MYH1: variants seen among roughly 807,000 people sequenced by gnomAD.
MYH1 encodes the protein myosin-1.
Under a neutral mutation model 225.6 loss-of-function variants are expected in MYH1, and 214 were observed. The observed-to-expected ratio is 0.95, with a 90% CI of 0.85 to 1.06. The LOEUF (loss-of-function observed/expected upper bound fraction) is 1.06, where lower values mean the gene tolerates loss of function less well. Among genes scored for constraint, MYH1 ranks in the 50% least tolerant of loss-of-function variants. MYH1 has a pLI of 0.00. For missense variants in MYH1, 2,098 were observed against 2,344.2 expected (o/e 0.89, Z 2.17); for synonymous variants, 774 against 842.3 (o/e 0.92, Z 1.40).
Position 10,501,969 on chromosome 17 carries a change from A to G in MYH1, c.3112-58T>C, listed in dbSNP as rs2073062738. On this transcript the variant is annotated intron_variant, in intron 24 of 39. Transcript: ENST00000226207. ...AGAATGGTAGCACCTTTTGTCCCAG[A>G]TGAAATTTTTAAACATTATATCTAT... 6 of 1,513,556 alleles carry G rather than the reference A, an allele frequency of 4.0e-6. No homozygotes were observed. The South Asian group carries it at 6.4e-5, about 16-fold the overall frequency. 93.8% of individuals were successfully genotyped at this position (1,513,556 alleles called of 1,614,324 possible).
At chr17:10,493,191 T>G (rs2072952518) in intron 39 of MYH1, among the ~76,000 whole-genome samples, 1 of 152,200 alleles carries the variant, frequency 6.6e-6, no homozygotes. Flanking sequence ...TTAGAATCAT[T>G]AAATAGTATA....
At chr17:10,504,026 ATG>A (rs2073084006) in intron 22 of MYH1, among the ~76,000 whole-genome samples, 1 of 152,224 alleles carries the variant, frequency 6.6e-6, no homozygotes, top group Non-Finnish European at 1.5e-5. Context: ...TTTTCTAAAT[ATG>A]TGTCCCAAAC....
Position 10,516,516 on chromosome 17 carries a change from G to T in MYH1, c.127C>A (p.Pro43Thr). 4 of 1,614,084 alleles carry T rather than the reference G, an allele frequency of 2.5e-6. No homozygotes were observed. Among genetic ancestry groups the T allele is most frequent in the Non-Finnish European group, 3.4e-6 (4 of 1,180,038 alleles). The change falls in exon 3 of 40, where the codon CCT (proline) becomes ACT (threonine). Residue 43 changes from proline (P) to threonine (T), a missense_variant. Coordinates refer to ENST00000226207, the MANE Select transcript of MYH1 (RefSeq NM_005963.4). ...GTTGCTTTCACAAAGGACTCCTTAG[G>T]GTCCACCACAAAGACTGATGTCTTG... ...DAKTSVFVVD[P>T]KESFVKATVQ...
Position 10,501,659 on chromosome 17 carries a change from G to T in MYH1, c.3283C>A (p.Gln1095Lys), listed in dbSNP as rs770046917. Residue 1095 changes from glutamine to lysine, a missense_variant, in exon 26 of 40, where the codon CAA (glutamine) becomes AAA (lysine). Coordinates refer to ENST00000226207, the MANE Select transcript of MYH1 (RefSeq NM_005963.4). The stretch of plus-strand genomic sequence containing the variant: ...GCTTGTTCATCTTCAATCTTGCTTT[G>T]CAGACCGCTCATTTCAAACTCTTTC... ...KKKEFEMSGL[Q>K]SKIEDEQALG... 1 of 1,614,128 alleles carries T rather than the reference G, an allele frequency of 6.2e-7. No homozygotes were observed. Among genetic ancestry groups the T allele is most frequent in the Admixed American group, 1.7e-5 (1 of 60,010 alleles).
At chr17:10,513,079 A>G in intron 9 of MYH1, 114 bp from the exon 10 acceptor site, 1 of 695,866 alleles carries the variant, frequency 1.4e-6, no homozygotes, top group Non-Finnish European at 2.5e-6. Context: ...ATTTCAACTG[A>G]ATGTTCCTGT....
At chr17:10,513,777 G>A in intron 8 of MYH1, 44 bp downstream of exon 8, 1 of 1,612,250 alleles carries the variant, frequency 6.2e-7, no homozygotes, top group African/African-American at 1.3e-5. Context: ...GCTTTCTCTG[G>A]CATCTAAAGG....
Position 10,508,345 on chromosome 17 carries a change from A to C in MYH1, c.1897+18T>G. Reference sequence around the variant, plus strand: ...TGTTTTATACATTAGGTAAAAGATTAATTATATTGATAATTACCTGCTTCC... The same window carrying C: ...TGTTTTATACATTAGGTAAAAGATTCATTATATTGATAATTACCTGCTTCC... On this transcript the variant is annotated intron_variant, in intron 16 of 39. Transcript: ENST00000226207. 6.3e-7 allele frequency: 1 copy of C among 1,574,808 alleles called. No homozygotes were observed. Among genetic ancestry groups the C allele is most frequent in the Non-Finnish European group, 8.6e-7 (1 of 1,162,588 alleles).
intron 37 of MYH1, 87 bp downstream of exon 37, chr17:10,494,844 G>GC: frequency 6.2e-7 from 1 of 1,609,612 alleles, no homozygotes; most frequent in Non-Finnish European, 8.5e-7. Flanking sequence ...ATCTCAGTAT[G>GC]CCCCACATCA....
chr17:10,515,902 A>G (rs574972466), intron 5 of MYH1, 24 bp downstream of exon 5: 1 of 1,614,016 alleles, frequency 6.2e-7, no homozygotes, highest in South Asian at 1.1e-5. Context: ...AATAATTCAT[A>G]TGAAAACCAG....
chr17:10,501,061 A>G, intron 27 of MYH1, 49 bp downstream of exon 27: 10 of 1,600,752 alleles, frequency 6.2e-6, no homozygotes, highest in Non-Finnish European at 8.5e-6. Context: ...TATTTGTGCT[A>G]AAGGGAAAAA....
chr17:10,497,196 G>C lies in MYH1; in HGVS notation c.4532-3C>G, dbSNP rs2073005340. The C allele has an allele frequency of 6.2e-7, 1 of 1,602,988 alleles. No individual in the cohort carries two copies. Among genetic ancestry groups the C allele is most frequent in the South Asian group, 1.1e-5 (1 of 87,958 alleles). ...TTCAGTGAGATCAGAAATCTCCTCT[G>C]TTGGTGAACAAAAAATATAGAAATT... On this transcript the variant is annotated splice_polypyrimidine_tract_variant and splice_region_variant and intron_variant, in intron 32 of 39. Coordinates refer to ENST00000226207, the MANE Select transcript of MYH1 (RefSeq NM_005963.4).
intron 33 of MYH1, 58 bp from the exon 34 acceptor site, chr17:10,496,607 G>T: frequency 6.2e-7 from 1 of 1,606,440 alleles, no homozygotes; most frequent in Non-Finnish European, 8.5e-7. Context: ...GTATTCTAGA[G>T]ATAAGAATGA....
Position 10,516,507 on chromosome 17 carries a change from A to G in MYH1, c.136T>C (p.Ser46Pro). 1 of 1,614,012 alleles carries G rather than the reference A, an allele frequency of 6.2e-7. No individual in the cohort carries two copies. ...TSVFVVDPKE[S>P]FVKATVQSRE... ...CTCTGCACTGTTGCTTTCACAAAGG[A>G]CTCCTTAGGGTCCACCACAAAGACT... The change falls in exon 3 of 40, where the codon TCC becomes CCC. Residue 46 changes from serine (S) to proline (P), a missense_variant. By Grantham distance (74) the Ser-to-Pro change is moderately conservative. Coordinates refer to ENST00000226207, the MANE Select transcript of MYH1 (RefSeq NM_005963.4).
chr17:10,496,631 A>G, intron 33 of MYH1, 82 bp from the exon 34 acceptor site: 1 of 1,583,078 alleles, frequency 6.3e-7, no homozygotes, highest in South Asian at 1.1e-5. Flanking sequence ...ATCATTCATG[A>G]AACCTTATTT....
At position 10,513,364 on chromosome 17, in the gene MYH1, TA is replaced by T. The variant is rs113649339; in HGVS notation, c.805+261del. On this transcript the variant is annotated intron_variant, in intron 9 of 39. Coordinates refer to ENST00000226207, the MANE Select transcript of MYH1 (RefSeq NM_005963.4). ...TTTACTTCTAGTGTTAGTTTTTTCTTAAAAAAAAAATTGAAATCATTCTGAG... is the reference window on the plus strand; with the variant it reads ...TTTACTTCTAGTGTTAGTTTTTTCTTAAAAAAAAATTGAAATCATTCTGAG... Among the ~76,000 whole-genome samples, 372 of 150,360 alleles carry T rather than the reference TA, an allele frequency of 2.5e-3. 1 individual carries two copies. The highest frequency in any genetic ancestry group is 8.7e-3 in the African/African-American group (357 of 41,078).
chr17:10,516,032 T>A lies in MYH1; in HGVS notation c.399A>T (p.Pro133=). 1.2e-6 allele frequency: 2 copies of A among 1,613,550 alleles called. No homozygotes were observed. The highest frequency in any genetic ancestry group is 1.7e-6 in the Non-Finnish European group (2 of 1,179,768). The change falls in exon 5 of 40, where the codon CCA becomes CCT. Residue 133 remains proline (P), a synonymous_variant. Coordinates refer to ENST00000226207, the MANE Select transcript of MYH1 (RefSeq NM_005963.4). ...CVTVNPYKWL[P]VYNAEVVTAY... ...CTGTCACCACCTCTGCATTATACACTGGCAACCACTTGTAGGGGTTGACAG... is the reference window on the plus strand; with the variant it reads ...CTGTCACCACCTCTGCATTATACACAGGCAACCACTTGTAGGGGTTGACAG...
Position 10,496,535 on chromosome 17 carries a change from A to G in MYH1, c.4671T>C (p.His1557=), listed in dbSNP as rs754857519. ...ALEEAEASLE[H]EEGKILRIQL... The stretch of plus-strand genomic sequence containing the variant: ...GGATGCGCAGGATCTTTCCCTCTTC[A>G]TGTTCAAGAGATGCCTTAATGACAG... The change falls in exon 34 of 40, where the codon CAT becomes CAC. Residue 1557 remains histidine, a synonymous_variant. Transcript: ENST00000226207. 12 of 1,613,920 alleles carry G rather than the reference A, an allele frequency of 7.4e-6. No homozygotes were observed. In the East Asian group the frequency reaches 1.8e-4, roughly 24 times the overall value.
chr17:10,503,639 G>T (rs2073079516), intron 22 of MYH1, among the ~76,000 whole-genome samples: 2 of 152,142 alleles, frequency 1.3e-5, no homozygotes, highest in Non-Finnish European at 2.9e-5. Context: ...TTAACAGGAA[G>T]AAATGTCATC....
intron 28 of MYH1, 98 bp downstream of exon 28, chr17:10,500,528 T>A: frequency 6.4e-7 from 1 of 1,550,662 alleles, no homozygotes; most frequent in Admixed American, 1.8e-5. Flanking sequence ...CCCAGGGAGG[T>A]AGTATATGAC....
Sources: allele counts gnomAD v4.1 joint callset (sites outside exome capture counted in the v4.1 genomes callset), GRCh38; gene constraint gnomAD v4.1.1; transcripts MANE v1.5; gene names NCBI Gene and HGNC (gene_info 2026-07-23, HGNC 2026-07-21).